MVB12B: variants seen among roughly 807,000 people sequenced by gnomAD.
The protein encoded by MVB12B is ESCRT-I complex subunit MVB12B.
A neutral mutation model predicts 41.6 loss-of-function variants in MVB12B; 16 were observed. The observed-to-expected ratio is 0.38, with a 90% confidence interval of 0.26 to 0.58. The LOEUF (loss-of-function observed/expected upper bound fraction) is 0.58, where lower values mean the gene tolerates loss of function less well. MVB12B is among the 20% of genes least tolerant of loss of function. The probability of loss-of-function intolerance (pLI) is 0.62; values close to 1 mark genes in which losing one functional copy is unlikely to be tolerated. For synonymous variants in MVB12B, 133 were observed against 139.7 expected (o/e 0.95, Z 0.34); for missense variants, 274 against 380.2 (o/e 0.72, Z 2.32).
chr9:126,382,448 A>G (rs1257204128), intron 3 of MVB12B, among the ~76,000 whole-genome samples: 5 of 152,224 alleles, frequency 3.3e-5, no homozygotes, highest in Non-Finnish European at 7.3e-5. Context: ...GTCAGGGGAA[A>G]TCTTGACACA....
Position 126,461,757 on chromosome 9 carries a change from G to A in MVB12B, c.758-19612G>A, listed in dbSNP as rs1165930024. On this transcript the variant is annotated intron_variant, in intron 7 of 9. Coordinates refer to ENST00000361171, the MANE Select transcript of MVB12B (RefSeq NM_033446.3). ...CAGGCGTGGAGGTGGGAGCCTGGGC[G>A]TGGAGGTGGGCTCCCGGGGTGGGTG... Among the ~76,000 whole-genome samples the A allele has an allele frequency of 4.6e-5, 7 of 152,240 alleles. No individual in the cohort carries two copies. In the East Asian group the frequency reaches 9.7e-4, roughly 21 times the overall value.
chr9:126,476,276 A>G (rs528189971), intron 7 of MVB12B, among the ~76,000 whole-genome samples: 2 of 152,328 alleles, frequency 1.3e-5, no homozygotes, highest in African/African-American at 2.4e-5. Context: ...AGGCACCTCA[A>G]TGCCTGCATG....
chr9:126,429,104 A>G (rs903570746), intron 7 of MVB12B, among the ~76,000 whole-genome samples: 1 of 152,188 alleles, frequency 6.6e-6, no homozygotes, highest in East Asian at 1.9e-4. Flanking sequence ...AAGTGAAAAG[A>G]TATGTATAAT....
intron 7 of MVB12B, chr9:126,448,350 G>T (rs111258622): frequency 1.3e-5 from 2 of 152,406 alleles, no homozygotes; most frequent in Admixed American, 6.5e-5. Context: ...GTCCAGCCCT[G>T]CTCAGAGCCG....
intron 2 of MVB12B, among the ~76,000 whole-genome samples, chr9:126,359,075 T>TA (rs1829960132): frequency 6.6e-6 from 1 of 151,892 alleles, no homozygotes; most frequent in African/African-American, 2.4e-5. Flanking sequence ...TTTTTTTTTT[T>TA]ATGGAGACAG....
intron 7 of MVB12B, among the ~76,000 whole-genome samples, chr9:126,427,181 C>G (rs892104092): frequency 2.6e-5 from 4 of 152,086 alleles, no homozygotes; most frequent in African/African-American, 9.7e-5. Flanking sequence ...GATTATAACT[C>G]TAAGTTTGAT....
In MVB12B at chr9:126,417,675, T is replaced by G. The variant is rs142340429; in HGVS notation, c.663-4179T>G. Among the ~76,000 whole-genome samples the G allele has an allele frequency of 3.0e-4, 45 of 152,220 alleles. 1 individual carries two copies. Among genetic ancestry groups the G allele is most frequent in the African/African-American group, 1.1e-3 (44 of 41,522 alleles). On this transcript the variant is annotated intron_variant, in intron 6 of 9. Coordinates refer to ENST00000361171, the MANE Select transcript of MVB12B (RefSeq NM_033446.3). ...TGTGACAAAAAATTGTCCCAGAAAA[T>G]GAAGTACAAAATTGATGATATTTGG... is the stretch of plus-strand genomic sequence containing the variant.
intron 1 of MVB12B, chr9:126,327,327 C>T (rs1588073661): frequency 3.0e-6 from 3 of 985,318 alleles, no homozygotes; most frequent in Non-Finnish European, 3.6e-6. Flanking sequence ...CCTCTGCCCG[C>T]GTGAGAGGGA....
intron 9 of MVB12B, among the ~76,000 whole-genome samples, chr9:126,501,091 G>T (rs1047084653): frequency 1.3e-5 from 2 of 152,216 alleles, no homozygotes; most frequent in East Asian, 1.9e-4. Flanking sequence ...AGACTTTGGC[G>T]CAGCTCCCCC....
rs1012377006 is a variant in MVB12B, at chr9:126,473,723, C to G, written c.758-7646C>G. Among the ~76,000 whole-genome samples, 1 of 152,244 alleles carries G rather than the reference C, an allele frequency of 6.6e-6. No homozygotes were observed. The highest frequency in any genetic ancestry group is 1.5e-5 in the Non-Finnish European group (1 of 68,034). On this transcript the variant is annotated intron_variant, in intron 7 of 9. Coordinates refer to ENST00000361171, the MANE Select transcript of MVB12B (RefSeq NM_033446.3). This position sits in a 1 kb window ranked among gnomAD's most constrained non-coding sequence, Gnocchi z 4.0. Reference sequence around the variant, plus strand: ...GCTGCTAAACCATCCACAAGAAATCCTCTCCCCACATAGCTCAGTCATCTC... The same window carrying G: ...GCTGCTAAACCATCCACAAGAAATCGTCTCCCCACATAGCTCAGTCATCTC...
intron 7 of MVB12B, among the ~76,000 whole-genome samples, chr9:126,466,184 C>T (rs1482962500): frequency 2.0e-5 from 3 of 152,220 alleles, no homozygotes; most frequent in African/African-American, 7.2e-5. Flanking sequence ...GCCGGATGGC[C>T]TGAGATGGCC....
intron 2 of MVB12B, among the ~76,000 whole-genome samples, chr9:126,355,302 A>G (rs1829851222): frequency 6.6e-6 from 1 of 152,196 alleles, no homozygotes; most frequent in Admixed American, 6.5e-5. Flanking sequence ...GCCCCATCCT[A>G]GGGGTCTGCG....
chr9:126,404,460 T>A (rs1831360620), intron 6 of MVB12B, among the ~76,000 whole-genome samples: 1 of 152,188 alleles, frequency 6.6e-6, no homozygotes, highest in Non-Finnish European at 1.5e-5. Context: ...AAGCCTCTCA[T>A]CAGGGAGCCA....
chr9:126,427,240 A>G (rs1832206883), intron 7 of MVB12B, among the ~76,000 whole-genome samples: 1 of 152,186 alleles, frequency 6.6e-6, no homozygotes, highest in South Asian at 2.1e-4. Flanking sequence ...GGGGACACCT[A>G]CTTGTTTGAA....
Position 126,395,729 on chromosome 9 carries a change from C to T in MVB12B, c.662+32C>T, listed in dbSNP as rs1564307954. ...CCTTGTCGGGGTGTCTTGCGTTGTC[C>T]TGTGGTCTTAGGTCCCTGCACAACA... On this transcript the variant is annotated intron_variant, in intron 6 of 9. Transcript: ENST00000361171. This position sits in a 1 kb window ranked among gnomAD's most constrained non-coding sequence, Gnocchi z 4.9. The T allele has an allele frequency of 5.6e-6, 9 of 1,612,762 alleles. No homozygotes were observed. Among genetic ancestry groups the T allele is most frequent in the Non-Finnish European group, 6.8e-6 (8 of 1,179,422 alleles).
At chr9:126,357,124 T>C (rs1021087207) in intron 2 of MVB12B, among the ~76,000 whole-genome samples, 2 of 152,172 alleles carry the variant, frequency 1.3e-5, no homozygotes, top group Non-Finnish European at 2.9e-5. Flanking sequence ...TTTATGTAAA[T>C]TCTTTATTTT....
At chr9:126,490,218 C>T (rs528124593) in intron 9 of MVB12B, among the ~76,000 whole-genome samples, 241 of 152,308 alleles carry the variant, frequency 1.6e-3, no homozygotes, top group South Asian at 2.7e-3. Context: ...CCTGGCTCTG[C>T]AGTCCAGGCG....
rs1466696707 is a variant in MVB12B at position 126,428,518 on chromosome 9, C to T, written c.757+6570C>T. Among the ~76,000 whole-genome samples, 3 of 151,926 alleles carry T rather than the reference C, an allele frequency of 2.0e-5. No homozygotes were observed. The East Asian group carries it at 5.8e-4, about 29-fold the overall frequency. On this transcript the variant is annotated intron_variant, in intron 7 of 9. Coordinates refer to ENST00000361171, the MANE Select transcript of MVB12B (RefSeq NM_033446.3). ...TCTTAATTAGGAAAAAAAAAACTCA[C>T]CCGGGAAATTGAAAATAAACTTAAT...
chr9:126,494,491 G>A (rs1001455040), intron 9 of MVB12B, among the ~76,000 whole-genome samples: 5 of 152,348 alleles, frequency 3.3e-5, no homozygotes, highest in South Asian at 4.1e-4. Flanking sequence ...AGTCATACCC[G>A]CTCATGCAGA....
Sources: gnomAD v4.1 joint callset for allele counts (sites outside exome capture counted in the v4.1 genomes callset) on GRCh38, gnomAD v4.1.1 for gene constraint, Gnocchi (gnomAD v3.1) non-coding constraint, MANE v1.5 for transcripts, NCBI Gene and HGNC (gene_info 2026-07-23, HGNC 2026-07-21) for gene names.